The following GRIK1 variants were observed in gnomAD, a reference collection of about 807,000 sequenced individuals.
GRIK1 encodes glutamate ionotropic receptor kainate type subunit 1, also known as glutamate receptor ionotropic, kainate 1.
Under a neutral mutation model 105.7 loss-of-function variants are expected in GRIK1, and 69 were observed. The observed-to-expected ratio is 0.65, with a 90% CI of 0.54 to 0.80. The LOEUF is 0.80. GRIK1 is among the 30% of genes least tolerant of loss of function. The probability of loss-of-function intolerance (pLI) is 0.00; values close to 1 mark genes in which losing one functional copy is unlikely to be tolerated. For missense variants in GRIK1, 1,109 were observed against 1,167.3 expected, an observed-to-expected ratio of 0.95 and a Z score of 0.73; for synonymous variants, 438 against 431.3, an observed-to-expected ratio of 1.02 and a Z score of -0.19.
intron 1 of GRIK1, among the ~76,000 whole-genome samples, chr21:29,911,543 T>C (rs2070816496): frequency 6.6e-6 from 1 of 152,084 alleles, no homozygotes; most frequent in Non-Finnish European, 1.5e-5. Context: ...TTACATACTC[T>C]GATTGCTATA....
intron 15 of GRIK1, among the ~76,000 whole-genome samples, chr21:29,560,535 T>TCCTTCCTTCCTTC (rs1491554544): frequency 1.0e-4 from 10 of 98,398 alleles, no homozygotes; most frequent in East Asian, 2.8e-4. Context: ...TTTCTTTCTT[T>TCCTTCCTTCCTTC]CTTTCTTTCT....
intron 3 of GRIK1, among the ~76,000 whole-genome samples, chr21:29,685,071 A>G (rs751921837): frequency 1.3e-5 from 2 of 152,178 alleles, no homozygotes; most frequent in Non-Finnish European, 2.9e-5. Flanking sequence ...ATCTAAAATA[A>G]TATACACTAA....
chr21:29,700,271 G>T (rs970135770), intron 1 of GRIK1, among the ~76,000 whole-genome samples: 2 of 152,160 alleles, frequency 1.3e-5, no homozygotes, highest in South Asian at 2.1e-4. Flanking sequence ...GGCCTTTAAG[G>T]GGGGATGATG....
At chr21:29,551,640 CT>C (rs148927145) in intron 16 of GRIK1, among the ~76,000 whole-genome samples, 10,173 of 152,134 alleles carry the variant, frequency 0.067, 419 homozygotes, top group Admixed American at 0.13. Context: ...GAAATATTAA[CT>C]TTTGAAAGAG....
intron 2 of GRIK1, 93 bp downstream of exon 2, chr21:29,693,803 C>G: frequency 1.1e-6 from 1 of 883,934 alleles, no homozygotes; most frequent in African/African-American, 1.7e-5. Context: ...CACAAAGATG[C>G]CCGCTTTAAA....
intron 1 of GRIK1, among the ~76,000 whole-genome samples, chr21:29,788,738 T>TGTG (rs1390242606): frequency 1.3e-5 from 2 of 152,186 alleles, no homozygotes. Flanking sequence ...CAGTCTCATC[T>TGTG]GAGGGTGATG....
In GRIK1 at chr21:29,598,950, A is replaced by G. The variant is rs41276554; in HGVS notation, c.1099-13T>C. 0.036 allele frequency: 43,540 copies of G among 1,213,010 alleles called. 911 individuals are homozygous for G. Among genetic ancestry groups the G allele is most frequent in the Middle Eastern group, 0.086 (450 of 5,238 alleles). 75.1% of individuals were successfully genotyped at this position (1,213,010 alleles called of 1,614,324 possible). On this transcript the variant is annotated splice_polypyrimidine_tract_variant and intron_variant, in intron 7 of 17. Coordinates refer to ENST00000327783, the MANE Select transcript of GRIK1 (RefSeq NM_001330994.2). The stretch of plus-strand genomic sequence containing the variant: ...CATCCCACCGGGCCTGTGGACAAGA[A>G]GAAATGTGGCTGTTATTGTTAAACA...
At chr21:29,684,249 C>CGTCTCT (rs1382984220) in intron 3 of GRIK1, among the ~76,000 whole-genome samples, 3 of 141,520 alleles carry the variant, frequency 2.1e-5, no homozygotes, top group Non-Finnish European at 3.1e-5. Context: ...GGGAATCTAT[C>CGTCTCT]ATCTCTATCT....
At chr21:29,542,054 T>TGA (rs1241615365) in intron 16 of GRIK1, among the ~76,000 whole-genome samples, 2 of 148,060 alleles carry the variant, frequency 1.4e-5, no homozygotes, top group African/African-American at 4.9e-5. Flanking sequence ...TGTGTGTGTG[T>TGA]GACCTTTCCT....
intron 6 of GRIK1, among the ~76,000 whole-genome samples, chr21:29,648,067 T>C (rs1390902180): frequency 1.3e-5 from 2 of 152,214 alleles, no homozygotes; most frequent in Non-Finnish European, 2.9e-5. Context: ...TTGAGGATTT[T>C]TAGTGTATGA....
intron 1 of GRIK1, among the ~76,000 whole-genome samples, chr21:29,824,223 A>G (rs1435217059): frequency 6.6e-6 from 1 of 152,012 alleles, no homozygotes; most frequent in Non-Finnish European, 1.5e-5. Context: ...TTACCATCTC[A>G]TCATTATTTA....
chr21:29,845,591 C>T (rs186478080), intron 1 of GRIK1, among the ~76,000 whole-genome samples: 287 of 152,220 alleles, frequency 1.9e-3, no homozygotes, highest in Admixed American at 4.2e-3. Flanking sequence ...ATCATCCCTG[C>T]TTCTTCCTTC....
At chr21:29,656,877 G>A (rs1020809569) in intron 4 of GRIK1, among the ~76,000 whole-genome samples, 4 of 152,142 alleles carry the variant, frequency 2.6e-5, no homozygotes, top group Admixed American at 2.6e-4. Flanking sequence ...GCAATGTCAT[G>A]AACTTAAGAC....
chr21:29,647,047 T>C (rs1431029531), intron 6 of GRIK1, among the ~76,000 whole-genome samples: 2 of 152,142 alleles, frequency 1.3e-5, no homozygotes, highest in Admixed American at 6.5e-5. Context: ...AGTTTCACCA[T>C]GTTGGCCAGG....
intron 7 of GRIK1, among the ~76,000 whole-genome samples, chr21:29,637,144 T>A (rs2062412507): frequency 1.3e-5 from 2 of 152,208 alleles, no homozygotes; most frequent in African/African-American, 4.8e-5. Context: ...GATTTATGTT[T>A]AAATCAGTTT....
chr21:29,896,449 ATGGGGAATTT>A (rs557099080), intron 1 of GRIK1, among the ~76,000 whole-genome samples: 28 of 152,310 alleles, frequency 1.8e-4, no homozygotes, highest in African/African-American at 6.7e-4. Context: ...TTCTTTGAAG[ATGGGGAATTT>A]TGTCTGTCTT....
At chr21:29,656,884 A>G (rs146780157) in intron 4 of GRIK1, among the ~76,000 whole-genome samples, 39 of 152,348 alleles carry the variant, frequency 2.6e-4, no homozygotes, top group African/African-American at 8.9e-4. Context: ...CATGAACTTA[A>G]GACAAATGAC....
chr21:29,803,934 A>G (rs1221718538), intron 1 of GRIK1, among the ~76,000 whole-genome samples: 2 of 152,208 alleles, frequency 1.3e-5, no homozygotes, highest in East Asian at 1.9e-4. Flanking sequence ...TTTCTCTTCT[A>G]TCATGGAATG....
intron 1 of GRIK1, among the ~76,000 whole-genome samples, chr21:29,767,828 G>C (rs1384347831): frequency 6.6e-6 from 1 of 150,890 alleles, no homozygotes; most frequent in African/African-American, 2.5e-5. Context: ...GTGTGTGTGT[G>C]TGTTTGTGTG....
Sources: gnomAD v4.1 joint callset for allele counts (sites outside exome capture counted in the v4.1 genomes callset) on GRCh38, gnomAD v4.1.1 for gene constraint, MANE v1.5 for transcripts, NCBI Gene and HGNC (gene_info 2026-07-23, HGNC 2026-07-21) for gene names.